MAP3K20: variants seen among roughly 807,000 people sequenced by gnomAD.
MAP3K20 encodes mitogen-activated protein kinase kinase kinase 20.
A neutral mutation model predicts 85.7 loss-of-function variants in MAP3K20; 40 were observed. The observed-to-expected ratio is 0.47, with a 90% CI of 0.36 to 0.61. The LOEUF (loss-of-function observed/expected upper bound fraction) is 0.61, where lower values mean the gene tolerates loss of function less well. Among genes scored for constraint, MAP3K20 ranks in the 20% least tolerant of loss-of-function variants. MAP3K20 has a pLI of 0.00. For missense variants in MAP3K20, 817 were observed against 961.7 expected (o/e 0.85, Z 1.99); for synonymous variants, 325 against 327.7 (o/e 0.99, Z 0.09).
chr2:173,176,352 G>C (rs1462798718), intron 3 of MAP3K20, among the ~76,000 whole-genome samples: 1 of 151,800 alleles, frequency 6.6e-6, no homozygotes, highest in Non-Finnish European at 1.5e-5. Context: ...ATACGTTTTT[G>C]TTCACTTTTG....
intron 16 of MAP3K20, among the ~76,000 whole-genome samples, chr2:173,253,340 C>T (rs1180286012): frequency 6.6e-6 from 1 of 152,210 alleles, no homozygotes; most frequent in Admixed American, 6.5e-5. Context: ...TTAATCTTCA[C>T]ATGACACCAC....
rs1197719240 is a variant in MAP3K20, at chr2:173,195,182, T to C, written c.583-2844T>C. Among the ~76,000 whole-genome samples the C allele has an allele frequency of 2.4e-5, 3 of 123,956 alleles. No individual in the cohort carries two copies. In the East Asian group the frequency reaches 9.1e-4, roughly 37 times the overall value. The allele number at this position is 123,956 out of a possible 152,430, so 81.3% of individuals were successfully genotyped here. ...CCTTCTGAGAACACAAGGCCTAGCC[T>C]CTCTTTAAAAAAAAAAAAAAAAAAA... On this transcript the variant is annotated intron_variant, in intron 7 of 19. Transcript: ENST00000375213.
At chr2:173,253,718 T>A (rs912801275) in intron 16 of MAP3K20, among the ~76,000 whole-genome samples, 1 of 152,218 alleles carries the variant, frequency 6.6e-6, no homozygotes, top group African/African-American at 2.4e-5. Flanking sequence ...CCCTTGAATA[T>A]TTCTAATTCA....
intron 1 of MAP3K20, among the ~76,000 whole-genome samples, chr2:173,086,755 C>A (rs1423786878): frequency 6.6e-6 from 1 of 152,238 alleles, no homozygotes; most frequent in African/African-American, 2.4e-5. Flanking sequence ...TCAGTTCATC[C>A]ACATTCCCTG....
Position 173,079,048 on chromosome 2 carries a change from G to C in MAP3K20, c.-35+3046G>C, listed in dbSNP as rs149120652. The stretch of plus-strand genomic sequence containing the variant: ...TTAATGATGGGGATACGTTCTGAGA[G>C]AACTGTGTTGTTACGTGATGTTGTA... On this transcript the variant is annotated intron_variant, in intron 1 of 19. Coordinates refer to ENST00000375213, the MANE Select transcript of MAP3K20 (RefSeq NM_016653.3). Among the ~76,000 whole-genome samples, 56 of 152,278 alleles carry C rather than the reference G, an allele frequency of 3.7e-4. No homozygotes were observed. In the East Asian group the frequency reaches 7.9e-3, roughly 21 times the overall value.
intron 7 of MAP3K20, among the ~76,000 whole-genome samples, chr2:173,191,595 C>T (rs1690652644): frequency 6.6e-6 from 1 of 152,148 alleles, no homozygotes. Flanking sequence ...ATCTGCCAAG[C>T]GAGTTAATTA....
rs149230384 is a variant in MAP3K20, at chr2:173,091,043, C to T, written c.12C>T (p.Leu4=). The T allele has an allele frequency of 3.0e-5, 48 of 1,612,246 alleles. No homozygotes were observed. Among genetic ancestry groups the T allele is most frequent in the African/African-American group, 1.2e-4 (9 of 74,776 alleles). The change falls in exon 2 of 20, where the codon CTC becomes CTT. Residue 4 remains leucine (L), a synonymous_variant. Transcript: ENST00000375213. Reference sequence around the variant, plus strand: ...TTTGTCATTATGAGATGTCGTCTCTCGGTGCCTCCTTTGTGCAAATTAAAT... The same window carrying T: ...TTTGTCATTATGAGATGTCGTCTCTTGGTGCCTCCTTTGTGCAAATTAAAT... MSS[L]GASFVQIKFD...
intron 2 of MAP3K20, among the ~76,000 whole-genome samples, chr2:173,140,570 G>A (rs746745080): frequency 1.3e-5 from 2 of 151,200 alleles, no homozygotes; most frequent in South Asian, 2.1e-4. Flanking sequence ...GGTTGTTCTC[G>A]AACTCCCAAC....
intron 2 of MAP3K20, among the ~76,000 whole-genome samples, chr2:173,149,953 G>C (rs1022722309): frequency 6.6e-6 from 1 of 152,212 alleles, no homozygotes; most frequent in African/African-American, 2.4e-5. Flanking sequence ...CTCATTTAGG[G>C]AGTGTATAGA....
chr2:173,176,197 T>C (rs982126723), intron 3 of MAP3K20, among the ~76,000 whole-genome samples: 1 of 152,164 alleles, frequency 6.6e-6, no homozygotes, highest in Non-Finnish European at 1.5e-5. Context: ...TATTATGCAT[T>C]GTACAATGGA....
chr2:173,266,669 G>GA lies in MAP3K20; in HGVS notation c.2327dup (p.Pro777AlafsTer11), dbSNP rs1558919895. ...GGGGCTGGACAAAAGTGGAATACCG[G>GA]AAAAAGCCCCACAGGCCATCTCCCG... On this transcript the variant is annotated frameshift_variant, in exon 20 of 20. Coordinates refer to ENST00000375213, the MANE Select transcript of MAP3K20 (RefSeq NM_016653.3). LOFTEE classifies it low-confidence loss of function (END_TRUNC). 4 of 1,609,746 alleles carry GA rather than the reference G, an allele frequency of 2.5e-6. No individual in the cohort carries two copies. Among genetic ancestry groups the GA allele is most frequent in the South Asian group, 1.1e-5 (1 of 90,662 alleles).
chr2:173,127,608 G>A (rs1688479202), intron 2 of MAP3K20, among the ~76,000 whole-genome samples: 1 of 152,060 alleles, frequency 6.6e-6, no homozygotes. Flanking sequence ...CTTCTTTCTT[G>A]GAGAAGCCTT....
At chr2:173,142,148 A>AT (rs1466369199) in intron 2 of MAP3K20, among the ~76,000 whole-genome samples, 1 of 152,328 alleles carries the variant, frequency 6.6e-6, no homozygotes, top group African/African-American at 2.4e-5. Flanking sequence ...GCAGTGTTAT[A>AT]TTATGGGTTG....
At chr2:173,158,503 A>G (rs994504008) in intron 2 of MAP3K20, among the ~76,000 whole-genome samples, 17 of 152,234 alleles carry the variant, frequency 1.1e-4, no homozygotes, top group Non-Finnish European at 2.1e-4. Flanking sequence ...GTCAAGTAAG[A>G]TAAATGCTTT....
chr2:173,118,168 T>G (rs1252439986), intron 2 of MAP3K20, among the ~76,000 whole-genome samples: 2 of 152,238 alleles, frequency 1.3e-5, no homozygotes, highest in Non-Finnish European at 2.9e-5. Flanking sequence ...CTTTTCTCTT[T>G]GTAATTCCAT....
At chr2:173,149,160 T>C (rs1354868916) in intron 2 of MAP3K20, among the ~76,000 whole-genome samples, 2 of 152,258 alleles carry the variant, frequency 1.3e-5, no homozygotes, top group Non-Finnish European at 2.9e-5. Context: ...GTGCTTTACA[T>C]GGATGTACTC....
At position 173,258,747 on chromosome 2, in the gene MAP3K20, A is replaced by G. The variant is rs1685220075; in HGVS notation, c.1408A>G (p.Ile470Val). The G allele has an allele frequency of 6.2e-7, 1 of 1,613,144 alleles. No individual in the cohort carries two copies. Among genetic ancestry groups the G allele is most frequent in the South Asian group, 1.1e-5 (1 of 90,968 alleles). Residue 470 changes from isoleucine to valine, a missense_variant, in exon 17 of 20, where the codon ATA becomes GTA. Coordinates refer to ENST00000375213, the MANE Select transcript of MAP3K20 (RefSeq NM_016653.3). ...GGAGATGGATGGGGATGAAATTGCA[A>G]TAACCTACATAAAAGATGTGACATT... ...YMEMDGDEIA[I>V]TYIKDVTFNT...
rs1559277759 is a variant in MAP3K20 at position 173,205,119 on chromosome 2, A to AAAAT, written c.744+1261_744+1264dup. ...CTCTGTCTCAAAAAAAAAAAAAAAA[A>AAAAT]AAATAAATAAATAAAATAAAACATA... On this transcript the variant is annotated intron_variant, in intron 9 of 19. Coordinates refer to ENST00000375213, the MANE Select transcript of MAP3K20 (RefSeq NM_016653.3). Among the ~76,000 whole-genome samples the AAAAT allele has an allele frequency of 3.4e-4, 48 of 139,558 alleles. 2 individuals are homozygous for AAAAT. Among genetic ancestry groups the AAAAT allele is most frequent in the East Asian group, 1.3e-3 (6 of 4,654 alleles). 91.6% of individuals were successfully genotyped at this position (139,558 alleles called of 152,430 possible).
intron 4 of MAP3K20, among the ~76,000 whole-genome samples, chr2:173,183,962 A>T (rs994841025): frequency 1.4e-4 from 21 of 152,022 alleles, no homozygotes; most frequent in East Asian, 1.9e-4. Context: ...GTGAAAAAAA[A>T]TTTTTTTTGA....
Sources: allele counts gnomAD v4.1 joint callset (sites outside exome capture counted in the v4.1 genomes callset), GRCh38; gene constraint gnomAD v4.1.1; transcripts MANE v1.5; gene names NCBI Gene and HGNC (gene_info 2026-07-23, HGNC 2026-07-21).